The following CERT1 variants were observed in gnomAD, a reference collection of about 807,000 sequenced individuals.
CERT1 encodes ceramide transporter 1.
Under a neutral mutation model 87.9 loss-of-function variants are expected in CERT1, and 31 were observed. The observed-to-expected ratio is 0.35, with a 90% confidence interval of 0.27 to 0.48. The LOEUF (loss-of-function observed/expected upper bound fraction) is 0.48. Among genes scored for constraint, CERT1 ranks in the 20% least tolerant of loss-of-function variants. CERT1 has a pLI of 0.99. For synonymous variants in CERT1, 289 were observed against 250.9 expected, an observed-to-expected ratio of 1.15 and a Z score of -1.44; for missense variants, 487 against 758.0, an observed-to-expected ratio of 0.64 and a Z score of 4.20.
chr5:75,425,367 C>G lies in CERT1; in HGVS notation c.589G>C (p.Asp197His). 6.2e-7 allele frequency: 1 copy of G among 1,612,720 alleles called. No homozygotes were observed. Among genetic ancestry groups the G allele is most frequent in the Non-Finnish European group, 8.5e-7 (1 of 1,179,492 alleles). The change falls in exon 5 of 17, where the codon GAT (aspartate) becomes CAT (histidine). Residue 197 changes from aspartate (D) to histidine (H), a missense_variant. This residue lies in a region of CERT1 where 173 missense variants were observed against 302.2 expected (regional missense o/e 0.57). Coordinates refer to ENST00000643780, the MANE Select transcript of CERT1 (RefSeq NM_001379029.1). ...TGGTAATAGCCTAATTAACCTTTAT[C>G]CCTTTGAAGTTCATCCTTAGAGACA... ...DAVSKDELQR[D>H]KVVEDDEDDF...
chr5:75,410,945 T>TA (rs1004254190), intron 8 of CERT1, 66 bp downstream of exon 8: 8 of 846,790 alleles, frequency 9.4e-6, no homozygotes, highest in South Asian at 8.6e-5. Flanking sequence ...AGAGTATTAT[T>TA]AAAAAATCAC....
intron 13 of CERT1, 72 bp from the exon 14 acceptor site, chr5:75,384,784 G>A: frequency 1.0e-6 from 1 of 1,004,370 alleles, no homozygotes. Context: ...TATGTTGAAA[G>A]TCAAGTACGA....
At chr5:75,400,175 T>C in intron 10 of CERT1, 30 bp downstream of exon 10, 11 of 1,383,978 alleles carry the variant, frequency 7.9e-6, no homozygotes, top group Non-Finnish European at 1.1e-5. Context: ...ATACAAGGTG[T>C]ACTTTTAGTA....
intron 12 of CERT1, among the ~76,000 whole-genome samples, chr5:75,388,858 C>T (rs898122039): frequency 2.6e-5 from 4 of 151,938 alleles, no homozygotes; most frequent in African/African-American, 9.6e-5. Flanking sequence ...CTCCTGAGCT[C>T]AAGTAATCCG....
Position 75,425,501 on chromosome 5 carries a change from T to C in CERT1, c.457-2A>G. On this transcript the variant is annotated splice_acceptor_variant, in intron 4 of 16. Transcript: ENST00000643780. LOFTEE classifies it high-confidence loss of function. The stretch of plus-strand genomic sequence containing the variant: ...CTTCTCACGTAAACTGTGGCCTTTC[T>C]GCAAAACATAAAATAGGGGGATGTA... 6.2e-7 allele frequency: 1 copy of C among 1,611,948 alleles called. No homozygotes were observed.
At chr5:75,497,645 G>A (rs187386401) in intron 2 of CERT1, among the ~76,000 whole-genome samples, 5 of 152,022 alleles carry the variant, frequency 3.3e-5, no homozygotes, top group East Asian at 3.9e-4. Context: ...TTTTCCTGCC[G>A]CCCTGTTAAG....
At chr5:75,389,911 C>G (rs1761962115) in intron 11 of CERT1, among the ~76,000 whole-genome samples, 1 of 152,098 alleles carries the variant, frequency 6.6e-6, no homozygotes, top group South Asian at 2.1e-4. Flanking sequence ...GAAGATGGGT[C>G]ACTCAAGTAA....
chr5:75,374,749 A>C, downstream of CERT1: 1 of 564,782 alleles, frequency 1.8e-6, no homozygotes, highest in Non-Finnish European at 3.4e-6. Flanking sequence ...AGGATCGAAC[A>C]CCTCCACCCC....
At chr5:75,489,933 C>A (rs1318448721) in intron 2 of CERT1, among the ~76,000 whole-genome samples, 3 of 152,140 alleles carry the variant, frequency 2.0e-5, no homozygotes, top group Admixed American at 2.0e-4. Flanking sequence ...TACTGCAGCA[C>A]TATTCACAAC....
In CERT1 at chr5:75,397,157, G is replaced by T. The variant is rs1031053728; in HGVS notation, c.1188+2153C>A. On this transcript the variant is annotated intron_variant, in intron 11 of 16. Transcript: ENST00000643780. ...ATTTAATTACAACAGTGAATTGCTAGAGTCCACGTCTGCTAATGACAACTA... is the reference window on the plus strand; with the variant it reads ...ATTTAATTACAACAGTGAATTGCTATAGTCCACGTCTGCTAATGACAACTA... 2.9e-4 allele frequency among the ~76,000 whole-genome samples: 44 copies of T among 152,204 alleles called. 1 individual carries two copies. The highest frequency in any genetic ancestry group is 1.0e-3 in the African/African-American group (42 of 41,450).
intron 2 of CERT1, among the ~76,000 whole-genome samples, chr5:75,463,137 A>G (rs566125160): frequency 2.0e-5 from 3 of 152,156 alleles, no homozygotes; most frequent in Admixed American, 6.5e-5. Flanking sequence ...TATAACATAC[A>G]TAACAGAAAG....
At chr5:75,414,693 T>C (rs1049044702) in intron 7 of CERT1, among the ~76,000 whole-genome samples, 1 of 152,140 alleles carries the variant, frequency 6.6e-6, no homozygotes, top group African/African-American at 2.4e-5. Flanking sequence ...TACAAAATAG[T>C]ATTTTCAATT....
At chr5:75,399,160 G>A (rs1762371286) in intron 11 of CERT1, 150 bp downstream of exon 11, 1 of 617,514 alleles carries the variant, frequency 1.6e-6, no homozygotes, top group South Asian at 1.9e-5. Context: ...CTATTTAGTA[G>A]ACAAGGAAGA....
At chr5:75,459,918 C>T (rs975275273) in intron 2 of CERT1, among the ~76,000 whole-genome samples, 7 of 145,624 alleles carry the variant, frequency 4.8e-5, no homozygotes, top group South Asian at 2.2e-4. Context: ...GCCGAGATTG[C>T]GCCACTGCTC....
rs568483923 is a variant in CERT1, at chr5:75,454,972, T to A, written c.348+4093A>T. Among the ~76,000 whole-genome samples the A allele has an allele frequency of 1.4e-4, 21 of 152,240 alleles. No individual in the cohort carries two copies. In the South Asian group the frequency reaches 4.0e-3, roughly 29 times the overall value. ...GCTCAGTGGCTGGACCAAGAAGAAGTTCCAAAGCACTTCCCAAAGCCAAAC... is the reference window on the plus strand; with the variant it reads ...GCTCAGTGGCTGGACCAAGAAGAAGATCCAAAGCACTTCCCAAAGCCAAAC... On this transcript the variant is annotated intron_variant, in intron 3 of 16. Transcript: ENST00000643780.
At chr5:75,499,281 TG>T (rs1011886695) in intron 2 of CERT1, among the ~76,000 whole-genome samples, 3 of 152,140 alleles carry the variant, frequency 2.0e-5, no homozygotes, top group African/African-American at 7.2e-5. Flanking sequence ...TGTTTTGAAA[TG>T]TGAGGACATG....
chr5:75,431,632 A>C (rs1442292927), intron 3 of CERT1, among the ~76,000 whole-genome samples: 1 of 152,134 alleles, frequency 6.6e-6, no homozygotes, highest in African/African-American at 2.4e-5. Flanking sequence ...TGTTCTCATT[A>C]TTTCGCTCTC....
At chr5:75,404,953 T>C (rs1426381981) in intron 8 of CERT1, among the ~76,000 whole-genome samples, 3 of 151,900 alleles carry the variant, frequency 2.0e-5, no homozygotes, top group African/African-American at 7.3e-5. Flanking sequence ...GTTGCAGAGG[T>C]TGCAGTGAGC....
At chr5:75,387,743 A>C (rs1761857616) in intron 12 of CERT1, among the ~76,000 whole-genome samples, 1 of 151,408 alleles carries the variant, frequency 6.6e-6, no homozygotes, top group African/African-American at 2.4e-5. Flanking sequence ...ACTCTGTCTC[A>C]AAAAAAAGAA....
Sources: allele counts gnomAD v4.1 joint callset (sites outside exome capture counted in the v4.1 genomes callset), GRCh38; gene constraint gnomAD v4.1.1; regional missense constraint gnomAD v4.1.1; transcripts MANE v1.5; gene names NCBI Gene and HGNC (gene_info 2026-07-23, HGNC 2026-07-21).